The following HSPA4 variants were observed in gnomAD, a reference collection of about 807,000 sequenced individuals.
The protein encoded by HSPA4 is heat shock 70 kDa protein 4.
HSPA4 carries 25 observed loss-of-function variants against 106.2 expected under a neutral mutation model. The ratio of observed to expected loss-of-function variants is 0.24; its 90% confidence interval spans 0.17 to 0.33. The LOEUF (loss-of-function observed/expected upper bound fraction) is 0.33, where lower values mean the gene tolerates loss of function less well. Among genes scored for constraint, HSPA4 ranks in the 10% least tolerant of loss-of-function variants. The probability of loss-of-function intolerance (pLI) is 1.00; values close to 1 mark genes in which losing one functional copy is unlikely to be tolerated. For missense variants in HSPA4, 841 were observed against 996.0 expected (o/e 0.84, Z 2.10); for synonymous variants, 332 against 333.6 (o/e 1.00, Z 0.05).
Position 133,097,122 on chromosome 5 carries a change from T to A in HSPA4, c.1804-39T>A, listed in dbSNP as rs776446808. 6 of 1,528,636 alleles carry A rather than the reference T, an allele frequency of 3.9e-6. No individual in the cohort carries two copies. The Admixed American group carries it at 1.0e-4, about 26-fold the overall frequency. 94.7% of individuals were successfully genotyped at this position (1,528,636 alleles called of 1,614,324 possible). Reference sequence around the variant, plus strand: ...TATTGGTATTTAAGAGGAAATTAGTTGTCCTAATGTCTGATTTATACATAA... The same window carrying A: ...TATTGGTATTTAAGAGGAAATTAGTAGTCCTAATGTCTGATTTATACATAA... On this transcript the variant is annotated intron_variant, in intron 14 of 18. Transcript: ENST00000304858.
intron 11 of HSPA4, 150 bp from the exon 12 acceptor site, chr5:133,091,043 A>C (rs560208721): frequency 1.3e-6 from 1 of 745,922 alleles, no homozygotes; most frequent in Admixed American, 1.9e-5. Flanking sequence ...TGATTTAATA[A>C]GATTCTAAAA....
intron 1 of HSPA4, among the ~76,000 whole-genome samples, chr5:133,060,690 A>G (rs1267773679): frequency 2.0e-5 from 3 of 152,030 alleles, no homozygotes; most frequent in Non-Finnish European, 4.4e-5. Flanking sequence ...CAATTCAGCA[A>G]ATTGATCATA....
At position 133,089,773 on chromosome 5, in the gene HSPA4, A is replaced by G. The variant is rs10076134; in HGVS notation, c.1378+78A>G. 0.037 allele frequency: 44,411 copies of G among 1,188,232 alleles called. 6,979 individuals carry two copies. In the African/African-American group the frequency reaches 0.4, roughly 11 times the overall value. The allele number at this position is 1,188,232 out of a possible 1,614,324, so 73.6% of individuals were successfully genotyped here. On this transcript the variant is annotated intron_variant, in intron 11 of 18. Coordinates refer to ENST00000304858, the MANE Select transcript of HSPA4 (RefSeq NM_002154.4). ...TCACAACTGTAATCCCAACACTTTG[A>G]AAGGCTAAGGTGGGAGGATCACTTG... is the stretch of plus-strand genomic sequence containing the variant.
intron 2 of HSPA4, among the ~76,000 whole-genome samples, chr5:133,065,612 C>T (rs1299718875): frequency 6.6e-6 from 1 of 152,222 alleles, no homozygotes; most frequent in Non-Finnish European, 1.5e-5. Context: ...GCAAGGCTTG[C>T]TTGTTCCTTG....
intron 1 of HSPA4, among the ~76,000 whole-genome samples, chr5:133,062,237 CAT>C (rs1174276662): frequency 1.3e-5 from 2 of 152,094 alleles, no homozygotes; most frequent in African/African-American, 2.4e-5. Context: ...GAGTTACTGA[CAT>C]AGAATAGGAA....
chr5:133,072,187 TA>T (rs764916485), intron 4 of HSPA4, among the ~76,000 whole-genome samples: 2 of 152,116 alleles, frequency 1.3e-5, no homozygotes, highest in Non-Finnish European at 2.9e-5. Context: ...GGCCCTAGCG[TA>T]TAGCTATTCT....
rs1449073712 is a variant in HSPA4 at position 133,106,129 on chromosome 5, TTTTTTTTTTTTG to T, written c.*1694_*1705del. On this transcript the variant is annotated 3_prime_UTR_variant, in exon 19 of 19. Coordinates refer to ENST00000304858, the MANE Select transcript of HSPA4 (RefSeq NM_002154.4). ...TTTTTTTTTTTTTTTTTTTTTTTTT[TTTTTTTTTTTTG>T]GTGTGTGTGTGTGTGTGTGTGGGGA... 36 of 69,168 alleles carry T rather than the reference TTTTTTTTTTTTG, an allele frequency of 5.2e-4. 1 individual carries two copies. The highest frequency in any genetic ancestry group is 1.0e-3 in the African/African-American group (15 of 14,698). 4.3% of individuals were successfully genotyped at this position (69,168 alleles called of 1,614,324 possible). A position where few individuals can be genotyped will look rare whatever the true frequency, so the allele number is the denominator to read the frequency against.
At chr5:133,057,360 CT>C (rs74273264) in intron 1 of HSPA4, among the ~76,000 whole-genome samples, 449 of 139,394 alleles carry the variant, frequency 3.2e-3, no homozygotes, top group East Asian at 0.023. Flanking sequence ...TTCTGCGTAC[CT>C]TTTTTTTTTT....
chr5:133,067,723 G>C (rs1019255024), intron 3 of HSPA4, among the ~76,000 whole-genome samples, 166 bp downstream of exon 3: 4 of 152,122 alleles, frequency 2.6e-5, no homozygotes, highest in African/African-American at 7.2e-5. Flanking sequence ...TGAATGATCT[G>C]GATGTTGGTT....
At chr5:133,068,809 A>G (rs543882371) in intron 3 of HSPA4, among the ~76,000 whole-genome samples, 1 of 152,254 alleles carries the variant, frequency 6.6e-6, no homozygotes, top group Non-Finnish European at 1.5e-5. Context: ...ATTCATAAGC[A>G]TTGCAAGAAG....
At position 133,067,569 on chromosome 5, in the gene HSPA4, A is replaced by G. The variant is rs373284472; in HGVS notation, c.306+12A>G. On this transcript the variant is annotated intron_variant, in intron 3 of 18. Coordinates refer to ENST00000304858, the MANE Select transcript of HSPA4 (RefSeq NM_002154.4). Reference sequence around the variant, plus strand: ...TAACAGGTATAAAGGTAAGGTTGTCAGGTTAATGCCTTTTAATTAAAATGC... The same window carrying G: ...TAACAGGTATAAAGGTAAGGTTGTCGGGTTAATGCCTTTTAATTAAAATGC... The G allele has an allele frequency of 3.8e-6, 6 of 1,594,540 alleles. No individual in the cohort carries two copies. The highest frequency in any genetic ancestry group is 5.1e-6 in the Non-Finnish European group (6 of 1,168,484).
chr5:133,103,093 A>G (rs1365087367), intron 17 of HSPA4, among the ~76,000 whole-genome samples: 2 of 151,078 alleles, frequency 1.3e-5, no homozygotes, highest in African/African-American at 2.4e-5. Context: ...ACAGGGTCTC[A>G]GTCTGTTGCC....
In HSPA4 at chr5:133,067,545, A is replaced by C; in HGVS notation, c.294A>C (p.Leu98Phe). Reference sequence around the variant, plus strand: ...ATATTGTGCAGTTGCCTACAGGATTAACAGGTATAAAGGTAAGGTTGTCAG... The same window carrying C: ...ATATTGTGCAGTTGCCTACAGGATTCACAGGTATAAAGGTAAGGTTGTCAG... ...AYDIVQLPTG[L>F]TGIKVTYMEE... Residue 98 changes from leucine to phenylalanine, a missense_variant, in exon 3 of 19, where the codon TTA (leucine) becomes TTC (phenylalanine). By Grantham distance (22) the Leu-to-Phe change is conservative (BLOSUM62 0). Transcript: ENST00000304858. 1 of 1,613,362 alleles carries C rather than the reference A, an allele frequency of 6.2e-7. No individual in the cohort carries two copies. Among genetic ancestry groups the C allele is most frequent in the Non-Finnish European group, 8.5e-7 (1 of 1,179,582 alleles).
In HSPA4 at chr5:133,088,427, G is replaced by T. The variant is rs767419511; in HGVS notation, c.1009G>T (p.Ala337Ser). The T allele has an allele frequency of 1.9e-6, 3 of 1,610,786 alleles. No homozygotes were observed. Among genetic ancestry groups the T allele is most frequent in the Non-Finnish European group, 2.5e-6 (3 of 1,177,076 alleles). Reference protein sequence around the residue: ...QTKLKKEDIYAVEIVGGATRI... With the variant: ...QTKLKKEDIYSVEIVGGATRI... ...AGAGTTAAAGAAAGAAGATATTTAT[G>T]CAGTGGAGATAGTTGGTGGTGCTAC... The change falls in exon 9 of 19, where the codon GCA (alanine) becomes TCA (serine). Residue 337 changes from alanine (A) to serine (S), a missense_variant. Ala to Ser is a moderately conservative substitution (Grantham distance 99, BLOSUM62 1). This residue lies in a region of HSPA4 where 347 missense variants were observed against 408.7 expected (regional missense o/e 0.85). Transcript: ENST00000304858.
At chr5:133,059,068 C>T (rs1366841439) in intron 1 of HSPA4, among the ~76,000 whole-genome samples, 2 of 151,242 alleles carry the variant, frequency 1.3e-5, no homozygotes, top group Non-Finnish European at 2.9e-5. Context: ...GCAGAGGTTG[C>T]AGTGAGCCGA....
chr5:133,103,261 G>A (rs1347694172), intron 17 of HSPA4, among the ~76,000 whole-genome samples: 1 of 151,874 alleles, frequency 6.6e-6, no homozygotes, highest in East Asian at 1.9e-4. Flanking sequence ...TGGGCTCATT[G>A]TGTTGTCCAG....
In HSPA4 at chr5:133,104,309, A is replaced by G. The variant is rs1367272389; in HGVS notation, c.2396A>G (p.Asn799Ser). Residue 799 changes from asparagine (N) to serine (S), a missense_variant, in exon 19 of 19, where the codon AAT becomes AGT. Physicochemically the swap from Asn to Ser is conservative, Grantham distance 46. Coordinates refer to ENST00000304858, the MANE Select transcript of HSPA4 (RefSeq NM_002154.4). ...KVEPPKEEQK[N>S]AEQNGPVDGQ... ...GAACCTCCAAAAGAGGAACAAAAAA[A>G]TGCAGAGCAGAATGGACCAGTGGAT... 1 of 1,614,122 alleles carries G rather than the reference A, an allele frequency of 6.2e-7. No homozygotes were observed. The highest frequency in any genetic ancestry group is 1.7e-5 in the Admixed American group (1 of 60,010).
At chr5:133,100,419 C>T (rs903624289) in intron 16 of HSPA4, among the ~76,000 whole-genome samples, 13 of 150,652 alleles carry the variant, frequency 8.6e-5, no homozygotes, top group East Asian at 5.9e-4. Context: ...TTTTTTGAGA[C>T]GGAGCCTTGC....
intron 16 of HSPA4, among the ~76,000 whole-genome samples, chr5:133,100,538 G>A (rs1765771862): frequency 6.6e-6 from 1 of 152,082 alleles, no homozygotes; most frequent in Admixed American, 6.6e-5. Context: ...GGTGGCTCAT[G>A]CCTGTAATCC....
Sources: gnomAD v4.1 joint callset for allele counts (sites outside exome capture counted in the v4.1 genomes callset) on GRCh38, gnomAD v4.1.1 for gene constraint, gnomAD v4.1.1 regional missense constraint, MANE v1.5 for transcripts, NCBI Gene and HGNC (gene_info 2026-07-23, HGNC 2026-07-21) for gene names.